Variants in TUSC3 observed in about 807,000 individuals in gnomAD.
TUSC3 encodes the protein tumor suppressor candidate 3.
In TUSC3, 45 loss-of-function variants were observed where a neutral mutation model predicts 44.8. The ratio of observed to expected loss-of-function variants is 1.00; its 90% CI spans 0.79 to 1.29. The LOEUF (loss-of-function observed/expected upper bound fraction) is 1.29, where lower values mean the gene tolerates loss of function less well. TUSC3 is among the 50% of genes most tolerant of loss of function. The pLI, the probability that TUSC3 is intolerant of heterozygous loss-of-function variation, is 0.00. For synonymous variants in TUSC3, 212 were observed against 152.9 expected, an observed-to-expected ratio of 1.39 and a Z score of -2.85; for missense variants, 519 against 437.9, an observed-to-expected ratio of 1.19 and a Z score of -1.65.
chr8:15,800,453 G>T, the TUSC3 span, among the ~76,000 whole-genome samples: 1 of 151,958 alleles, frequency 6.6e-6, no homozygotes, highest in South Asian at 2.1e-4. Flanking sequence ...CATGCCTATA[G>T]TCTCAGCTAC....
At chr8:15,488,122 C>T (rs546482300) in intron 2 of TUSC3, among the ~76,000 whole-genome samples, 2 of 152,180 alleles carry the variant, frequency 1.3e-5, no homozygotes, top group Admixed American at 1.3e-4. Context: ...TTCTTTGACT[C>T]TAAGTCCCCT....
At chr8:15,657,887 T>C (rs1422427873) in intron 3 of TUSC3, among the ~76,000 whole-genome samples, 3 of 152,146 alleles carry the variant, frequency 2.0e-5, no homozygotes, top group Middle Eastern at 3.2e-3. Context: ...GAAAGTCCAA[T>C]ATTTAAATAT....
chr8:15,588,851 T>C, intron 1 of TUSC3, among the ~76,000 whole-genome samples: 1 of 152,114 alleles, frequency 6.6e-6, no homozygotes. Context: ...TTTTGTTGCA[T>C]ATCAGTTGGC....
intron 2 of TUSC3, among the ~76,000 whole-genome samples, chr8:15,648,385 A>G (rs558086894): frequency 5.4e-4 from 82 of 152,250 alleles, no homozygotes; most frequent in African/African-American, 1.9e-3. Flanking sequence ...AGGCCTGACT[A>G]GACGCGGGCA....
intron 2 of TUSC3, among the ~76,000 whole-genome samples, chr8:15,517,148 A>G (rs775760114): frequency 7.2e-5 from 11 of 152,286 alleles, no homozygotes; most frequent in Middle Eastern, 3.4e-3. Flanking sequence ...ATTCTCTAGC[A>G]ATAGCTCAGT....
At chr8:15,646,424 A>C in intron 2 of TUSC3, among the ~76,000 whole-genome samples, 1 of 152,140 alleles carries the variant, frequency 6.6e-6, no homozygotes, top group South Asian at 2.1e-4. Context: ...GCTAGAATCT[A>C]CAAATTGGTT....
chr8:15,826,052 T>G, the TUSC3 span, among the ~76,000 whole-genome samples: 1 of 152,284 alleles, frequency 6.6e-6, no homozygotes, highest in Non-Finnish European at 1.5e-5. Context: ...ATTTTCCATG[T>G]TACTTTGTAT....
At chr8:15,675,389 G>T (rs1368582562) in intron 6 of TUSC3, among the ~76,000 whole-genome samples, 1 of 151,576 alleles carries the variant, frequency 6.6e-6, no homozygotes, top group East Asian at 1.9e-4. Context: ...ACATTCTTAT[G>T]AAATGTTTTA....
chr8:15,649,454 G>A (rs915090556), intron 2 of TUSC3, among the ~76,000 whole-genome samples: 3 of 151,960 alleles, frequency 2.0e-5, no homozygotes, highest in African/African-American at 7.3e-5. Flanking sequence ...CTTGGTGGCG[G>A]GCGCCTGTAG....
In TUSC3 at chr8:15,621,050, A is replaced by ACTC. The variant is rs1257752620; in HGVS notation, c.139-2029_139-2027dup. On this transcript the variant is annotated intron_variant, in intron 1 of 10. Transcript: ENST00000503731. ...GAGAAAAGCATAAAATACTGAGGTA[A>ACTC]CTCATACGTAAGTAACTTTCTTAGA... Among the ~76,000 whole-genome samples the ACTC allele has an allele frequency of 7.3e-4, 111 of 151,974 alleles. 1 individual carries two copies. The highest frequency in any genetic ancestry group is 7.0e-3 in the Admixed American group (107 of 15,232).
At chr8:15,516,186 T>A (rs1479810799) in intron 2 of TUSC3, among the ~76,000 whole-genome samples, 1 of 152,210 alleles carries the variant, frequency 6.6e-6, no homozygotes, top group Admixed American at 6.5e-5. Context: ...CAGAGATACT[T>A]CACTGATCTT....
intron 2 of TUSC3, among the ~76,000 whole-genome samples, chr8:15,521,140 C>G (rs1801291958): frequency 6.6e-6 from 1 of 152,162 alleles, no homozygotes; most frequent in South Asian, 2.1e-4. Context: ...CCTCTCACTT[C>G]TAAGCTGCCT....
chr8:15,597,629 G>T (rs1236605339), intron 1 of TUSC3, among the ~76,000 whole-genome samples: 1 of 152,022 alleles, frequency 6.6e-6, no homozygotes, highest in Non-Finnish European at 1.5e-5. Context: ...TTGAGCATTG[G>T]ATATGTATAG....
chr8:15,473,815 A>T (rs112299881), intron 1 of TUSC3, among the ~76,000 whole-genome samples: 1 of 152,194 alleles, frequency 6.6e-6, no homozygotes, highest in African/African-American at 2.4e-5. Flanking sequence ...AACTACTGAT[A>T]AGGGTCTGTG....
chr8:15,617,120 A>ATGTGTGTGTGTGTGTGTGTTTGTG (rs143444660), intron 1 of TUSC3, among the ~76,000 whole-genome samples: 1 of 123,720 alleles, frequency 8.1e-6, no homozygotes, highest in Non-Finnish European at 1.6e-5. Context: ...TATCTGTAAA[A>ATGTGTGTGTGTGTGTGTGTTTGTG]TGTGTGTGTG....
At chr8:15,444,584 A>C (rs562094277) in intron 1 of TUSC3, among the ~76,000 whole-genome samples, 6 of 152,270 alleles carry the variant, frequency 3.9e-5, no homozygotes, top group African/African-American at 1.2e-4. Flanking sequence ...AAATTGACTT[A>C]GCAAGATTCT....
intron 1 of TUSC3, among the ~76,000 whole-genome samples, chr8:15,448,102 T>TATATAA (rs1800131495): frequency 1.2e-5 from 1 of 85,888 alleles, no homozygotes; most frequent in Non-Finnish European, 2.1e-5. Context: ...TATGGTAGTG[T>TATATAA]ATATACATAT....
At chr8:15,589,301 C>G (rs1273915506) in intron 1 of TUSC3, among the ~76,000 whole-genome samples, 1 of 152,088 alleles carries the variant, frequency 6.6e-6, no homozygotes, top group Non-Finnish European at 1.5e-5. Flanking sequence ...GAATTTAAAA[C>G]TATTTACATT....
At chr8:15,581,116 C>T (rs1481470665) in intron 1 of TUSC3, among the ~76,000 whole-genome samples, 12 of 130,476 alleles carry the variant, frequency 9.2e-5, no homozygotes, top group Middle Eastern at 7.2e-3. Flanking sequence ...GCATCGGCTC[C>T]TGAGGCTTCT....
Sources: allele counts gnomAD v4.1 joint callset (sites outside exome capture counted in the v4.1 genomes callset), GRCh38; gene constraint gnomAD v4.1.1; transcripts MANE v1.5; gene names NCBI Gene and HGNC (gene_info 2026-07-23, HGNC 2026-07-21).